The following LARP4B variants were observed in gnomAD, a reference collection of about 807,000 sequenced individuals.
LARP4B encodes La ribonucleoprotein 4B, also known as la-related protein 4B.
In LARP4B, 12 loss-of-function variants were observed where a neutral mutation model predicts 89.8. The observed-to-expected ratio is 0.13, with a 90% CI of 0.09 to 0.22. LARP4B has a LOEUF of 0.22. Among genes scored for constraint, LARP4B ranks in the 10% least tolerant of loss-of-function variants. The pLI is 1.00. For synonymous variants in LARP4B, 367 were observed against 363.3 expected (o/e 1.01, Z -0.12); for missense variants, 757 against 947.7 (o/e 0.80, Z 2.64).
intron 7 of LARP4B, among the ~76,000 whole-genome samples, chr10:841,723 T>C (rs1833530690): frequency 6.6e-6 from 1 of 152,180 alleles, no homozygotes; most frequent in Non-Finnish European, 1.5e-5. Flanking sequence ...ACAGCTTCTG[T>C]TCTGCATGAT....
intron 1 of LARP4B, among the ~76,000 whole-genome samples, chr10:928,922 T>C (rs555339863): frequency 6.6e-6 from 1 of 152,274 alleles, no homozygotes; most frequent in South Asian, 2.1e-4. Flanking sequence ...GACTGCTTCA[T>C]AAAAACACCT....
At chr10:832,784 T>G (rs1270570140) in intron 8 of LARP4B, among the ~76,000 whole-genome samples, 2 of 152,100 alleles carry the variant, frequency 1.3e-5, no homozygotes, top group Non-Finnish European at 2.9e-5. Flanking sequence ...TGAAAAAAAT[T>G]CATCATCGGC....
At chr10:884,079 C>T (rs1835779399) in intron 3 of LARP4B, among the ~76,000 whole-genome samples, 1 of 152,128 alleles carries the variant, frequency 6.6e-6, no homozygotes, top group African/African-American at 2.4e-5. Flanking sequence ...TGAGTAAAAG[C>T]TTACTATTCA....
intron 7 of LARP4B, among the ~76,000 whole-genome samples, chr10:838,851 G>C (rs1833369937): frequency 6.6e-6 from 1 of 152,210 alleles, no homozygotes; most frequent in South Asian, 2.1e-4. Context: ...CCAAAACTTG[G>C]AAGTAATCAA....
At chr10:929,899 T>C (rs1329269625) in intron 1 of LARP4B, among the ~76,000 whole-genome samples, 2 of 152,224 alleles carry the variant, frequency 1.3e-5, no homozygotes, top group Non-Finnish European at 2.9e-5. Flanking sequence ...CTTGTTAATC[T>C]GATGCCTTTC....
At chr10:827,394 G>A (rs1832689233) in intron 11 of LARP4B, among the ~76,000 whole-genome samples, 1 of 152,182 alleles carries the variant, frequency 6.6e-6, no homozygotes, top group Admixed American at 6.5e-5. Flanking sequence ...TTTACAGACA[G>A]AGCCCTGATA....
intron 5 of LARP4B, among the ~76,000 whole-genome samples, chr10:860,141 G>A (rs1391274051): frequency 6.8e-6 from 1 of 147,840 alleles, no homozygotes; most frequent in Non-Finnish European, 1.5e-5. Context: ...GGGGAGGGGA[G>A]TATATGGGAG....
chr10:853,143 A>G (rs1372247147), intron 5 of LARP4B, among the ~76,000 whole-genome samples: 1 of 152,226 alleles, frequency 6.6e-6, no homozygotes, highest in African/African-American at 2.4e-5. Flanking sequence ...AGTAACTATG[A>G]AAAACAGAGT....
the LARP4B span, among the ~76,000 whole-genome samples, chr10:943,591 G>C: frequency 6.6e-6 from 1 of 152,150 alleles, no homozygotes; most frequent in Admixed American, 6.5e-5. Flanking sequence ...CACCACATAG[G>C]GCCAGTTTTC....
rs1831736016 is a variant in LARP4B at position 811,287 on chromosome 10, CAGAAT to C, written c.*1634_*1638del. ...TTTATAATATATCAATAATCTGTAT[CAGAAT>C]TTTCTCTGTAGGGTACCTTTTTCAT... On this transcript the variant is annotated 3_prime_UTR_variant, in exon 18 of 18. Coordinates refer to ENST00000316157, the MANE Select transcript of LARP4B (RefSeq NM_015155.3). 1 of 152,760 alleles carries C rather than the reference CAGAAT, an allele frequency of 6.5e-6. No individual in the cohort carries two copies. Among genetic ancestry groups the C allele is most frequent in the East Asian group, 1.9e-4 (1 of 5,194 alleles). 9.5% of individuals were successfully genotyped at this position (152,760 alleles called of 1,614,324 possible). A position where few individuals can be genotyped will look rare whatever the true frequency, so the allele number is the denominator to read the frequency against.
intron 1 of LARP4B, among the ~76,000 whole-genome samples, chr10:901,941 C>T (rs969830783): frequency 6.6e-6 from 1 of 152,178 alleles, no homozygotes; most frequent in African/African-American, 2.4e-5. Flanking sequence ...AAAGTACCTA[C>T]ATGAGAAGAC....
At chr10:842,905 T>C in intron 7 of LARP4B, 27 bp downstream of exon 7, 5 of 1,604,046 alleles carry the variant, frequency 3.1e-6, no homozygotes, top group Non-Finnish European at 4.3e-6. Context: ...GGACAAGTAT[T>C]ATTAATTTAA....
chr10:872,740 A>G (rs1835282095), intron 3 of LARP4B, among the ~76,000 whole-genome samples: 1 of 152,154 alleles, frequency 6.6e-6, no homozygotes, highest in Non-Finnish European at 1.5e-5. Flanking sequence ...CATCTTCCCA[A>G]CAACCTTGTC....
intron 5 of LARP4B, among the ~76,000 whole-genome samples, chr10:861,818 T>C (rs1356653365): frequency 2.0e-5 from 3 of 152,250 alleles, no homozygotes; most frequent in Non-Finnish European, 4.4e-5. Context: ...GATTAGGTCA[T>C]TTCAATTTAG....
chr10:947,499 G>A, the LARP4B span, among the ~76,000 whole-genome samples: 1 of 152,152 alleles, frequency 6.6e-6, no homozygotes, highest in African/African-American at 2.4e-5. Context: ...AGAACAAAAT[G>A]TTCTGTGGCC....
chr10:827,119 C>CA (rs576725177), intron 11 of LARP4B, among the ~76,000 whole-genome samples: 4 of 152,116 alleles, frequency 2.6e-5, no homozygotes, highest in East Asian at 1.9e-4. Flanking sequence ...ACTAAAAATA[C>CA]AAAAAAATTA....
chr10:932,425 G>A (rs1830672266), upstream of LARP4B, among the ~76,000 whole-genome samples: 1 of 75,596 alleles, frequency 1.3e-5, no homozygotes, highest in African/African-American at 5.5e-5. Flanking sequence ...CAAGGCCCCG[G>A]CCCTGCCCAG....
chr10:951,352 C>T, the LARP4B span, among the ~76,000 whole-genome samples: 1 of 152,014 alleles, frequency 6.6e-6, no homozygotes, highest in African/African-American at 2.4e-5. Flanking sequence ...AGTTCGAGAC[C>T]AGCCTGGCCA....
chr10:868,874 T>C (rs375238634), intron 3 of LARP4B, among the ~76,000 whole-genome samples: 3 of 152,238 alleles, frequency 2.0e-5, no homozygotes, highest in Non-Finnish European at 1.5e-5. Context: ...CCTTGCTTCA[T>C]TGCCCACAAA....
Sources: gnomAD v4.1 joint callset for allele counts (sites outside exome capture counted in the v4.1 genomes callset) on GRCh38, gnomAD v4.1.1 for gene constraint, MANE v1.5 for transcripts, NCBI Gene and HGNC (gene_info 2026-07-23, HGNC 2026-07-21) for gene names.